The following DDX17 variants were observed in gnomAD, a reference collection of about 807,000 sequenced individuals.
DDX17 encodes DEAD-box helicase 17.
Under a neutral mutation model 80.8 loss-of-function variants are expected in DDX17, and 10 were observed. That is an observed-to-expected ratio of 0.12 (90% CI 0.08 to 0.21). DDX17 has a LOEUF of 0.21. Among genes scored for constraint, DDX17 ranks in the 10% least tolerant of loss-of-function variants. The pLI is 1.00. For synonymous variants in DDX17, 339 were observed against 336.2 expected, an observed-to-expected ratio of 1.01 and a Z score of -0.09; for missense variants, 586 against 957.4, an observed-to-expected ratio of 0.61 and a Z score of 5.12.
chr22:38,501,699 A>C (rs1014200128), intron 1 of DDX17, among the ~76,000 whole-genome samples: 2 of 152,218 alleles, frequency 1.3e-5, no homozygotes, highest in African/African-American at 2.4e-5. Flanking sequence ...AAAATGACCT[A>C]ATAATGTGTA....
chr22:38,495,098 A>G (rs780636301), intron 6 of DDX17, 52 bp from the exon 7 acceptor site: 5 of 1,564,210 alleles, frequency 3.2e-6, no homozygotes, highest in Admixed American at 3.6e-5. Flanking sequence ...AGTGGCTCAC[A>G]GCTGTGTTCT....
intron 12 of DDX17, among the ~76,000 whole-genome samples, chr22:38,487,177 C>T (rs1404630338): frequency 2.0e-5 from 3 of 152,102 alleles, no homozygotes; most frequent in East Asian, 1.9e-4. Flanking sequence ...GCCCCCGCCC[C>T]GCCAAAGCAA....
At chr22:38,488,161 A>C in intron 11 of DDX17, 46 bp from the exon 12 acceptor site, 1 of 1,612,290 alleles carries the variant, frequency 6.2e-7, no homozygotes, top group Non-Finnish European at 8.5e-7. Flanking sequence ...TGTGGCAGGG[A>C]AAGAGAAGGT....
In DDX17 at chr22:38,506,242, G is replaced by T. The variant is rs377550456; in HGVS notation, c.-5C>A. ...GGCTACAAAGCCGGTGGGCAGGTTT[G>T]GCTACGCTCAAACCGGGCAGTGCCG... On this transcript the variant is annotated 5_prime_UTR_variant, in exon 1 of 13. Coordinates refer to ENST00000403230, the MANE Select transcript of DDX17 (RefSeq NM_006386.5). 24 of 1,600,008 alleles carry T rather than the reference G, an allele frequency of 1.5e-5. No homozygotes were observed. In the African/African-American group the frequency reaches 3.2e-4, roughly 22 times the overall value.
intron 10 of DDX17, among the ~76,000 whole-genome samples, chr22:38,492,436 G>A (rs1184358392): frequency 6.6e-6 from 1 of 152,158 alleles, no homozygotes; most frequent in African/African-American, 2.4e-5. Context: ...TTCAAAAGAT[G>A]TAGAATGAAA....
At position 38,498,543 on chromosome 22, in the gene DDX17, T is replaced by C; in HGVS notation, c.569A>G (p.His190Arg). The change falls in exon 4 of 13, where the codon CAC becomes CGC. Residue 190 changes from histidine to arginine, a missense_variant. By Grantham distance (29) the His-to-Arg change is conservative. This residue lies in a region of DDX17 where 141 missense variants were observed against 379.3 expected (regional missense o/e 0.37). Coordinates refer to ENST00000403230, the MANE Select transcript of DDX17 (RefSeq NM_006386.5). ...CTGAATTGGAGTTGGTTCTGTAAAG[T>C]GCTGATCCATCAACACATCCATTAC... 1 of 1,614,224 alleles carries C rather than the reference T, an allele frequency of 6.2e-7. No homozygotes were observed. The highest frequency in any genetic ancestry group is 1.1e-5 in the South Asian group (1 of 91,088).
chr22:38,499,575 G>T, intron 2 of DDX17, 76 bp from the exon 3 acceptor site: 1 of 1,165,108 alleles, frequency 8.6e-7, no homozygotes, highest in Non-Finnish European at 1.3e-6. Flanking sequence ...AGCTAGCTGA[G>T]CAATTATCCA....
rs2089689825 is a variant in DDX17, at chr22:38,489,098, TAACA to T, written c.1448-987_1448-984del. On this transcript the variant is annotated intron_variant, in intron 11 of 12. Transcript: ENST00000403230. This position sits in a 1 kb window ranked among gnomAD's most constrained non-coding sequence, Gnocchi z 4.6. ...ACTTAAACAAACAATTTTAAGAATA[TAACA>T]AAGAATCCTACTGTTTTGTGGAAAA... is the stretch of plus-strand genomic sequence containing the variant. 1 of 984,006 alleles carries T rather than the reference TAACA, an allele frequency of 1.0e-6. No individual in the cohort carries two copies. Among genetic ancestry groups the T allele is most frequent in the Non-Finnish European group, 1.2e-6 (1 of 828,648 alleles). The allele number at this position is 984,006 out of a possible 1,614,324, so 61.0% of individuals were successfully genotyped here.
At chr22:38,491,890 G>C in intron 11 of DDX17, 166 bp downstream of exon 11, 1 of 467,894 alleles carries the variant, frequency 2.1e-6, no homozygotes, top group Non-Finnish European at 3.7e-6. Flanking sequence ...AAAATTGTGG[G>C]GGGGGCAGGG....
chr22:38,489,532 AATT>A lies in DDX17; in HGVS notation c.1448-1420_1448-1418del, dbSNP rs2089692963. On this transcript the variant is annotated intron_variant, in intron 11 of 12. Transcript: ENST00000403230. This position sits in a 1 kb window ranked among gnomAD's most constrained non-coding sequence, Gnocchi z 4.6. ...AATTGGGGTGATTGTAGAAAAAAAT[AATT>A]AATAAAAAAAAATGTAAGTTACATC... 4 of 984,776 alleles carry A rather than the reference AATT, an allele frequency of 4.1e-6. No individual in the cohort carries two copies. Among genetic ancestry groups the A allele is most frequent in the Non-Finnish European group, 4.8e-6 (4 of 829,332 alleles). The allele number at this position is 984,776 out of a possible 1,614,324, so 61.0% of individuals were successfully genotyped here. A position where few individuals can be genotyped will look rare whatever the true frequency, so the allele number is the denominator to read the frequency against.
intron 11 of DDX17, chr22:38,488,557 CCAA>C: frequency 3.0e-6 from 3 of 997,258 alleles, no homozygotes; most frequent in Non-Finnish European, 2.4e-6. Flanking sequence ...GCAAAATCTA[CCAA>C]CAACATAACA....
chr22:38,489,581 A>G lies in DDX17; in HGVS notation c.1448-1466T>C. 1 of 985,124 alleles carries G rather than the reference A, an allele frequency of 1.0e-6. No individual in the cohort carries two copies. Among genetic ancestry groups the G allele is most frequent in the Non-Finnish European group, 1.2e-6 (1 of 829,742 alleles). 61.0% of individuals were successfully genotyped at this position (985,124 alleles called of 1,614,324 possible). A position where few individuals can be genotyped will look rare whatever the true frequency, so the allele number is the denominator to read the frequency against. On this transcript the variant is annotated intron_variant, in intron 11 of 12. Transcript: ENST00000403230. The surrounding 1 kb of genome is among the most constrained non-coding windows in gnomAD (Gnocchi z 4.6). ...ACATCCAAAGGGTCAGACTGCATCT[A>G]TTGCCCAGACTGGATTAATTTCAAG...
chr22:38,490,752 CTT>C (rs574834771), intron 11 of DDX17: 227 of 219,424 alleles, frequency 1.0e-3, no homozygotes, highest in Non-Finnish European at 1.8e-3. Context: ...TTTTCTCCCT[CTT>C]TTGATTTTTT....
intron 3 of DDX17, among the ~76,000 whole-genome samples, chr22:38,498,817 G>A (rs1174794578): frequency 6.6e-6 from 1 of 152,158 alleles, no homozygotes; most frequent in Non-Finnish European, 1.5e-5. Flanking sequence ...AGGAGTTCCA[G>A]ACCAGCCTGG....
intron 5 of DDX17, 56 bp from the exon 6 acceptor site, chr22:38,495,993 AAAAAAAG>A: frequency 7.1e-7 from 1 of 1,416,252 alleles, no homozygotes. Flanking sequence ...AAAAAAAAAA[AAAAAAAG>A]AAGAAACAAA....
In DDX17 at chr22:38,484,358, G is replaced by A. The variant is rs1348922965; in HGVS notation, c.*1577C>T. ...GCTTATGCTGAAGACCTACCTGTAT[G>A]TTGCACATTGAATCATACTTTCAGA... On this transcript the variant is annotated 3_prime_UTR_variant, in exon 13 of 13. Coordinates refer to ENST00000403230, the MANE Select transcript of DDX17 (RefSeq NM_006386.5). 1.3e-5 allele frequency: 2 copies of A among 152,224 alleles called. No homozygotes were observed. The highest frequency in any genetic ancestry group is 2.9e-5 in the Non-Finnish European group (2 of 68,030). The allele number at this position is 152,224 out of a possible 1,614,324, so 9.4% of individuals were successfully genotyped here.
rs569357162 is a variant in DDX17, at chr22:38,485,723, C to T, written c.*212G>A. The T allele has an allele frequency of 1.8e-4, 67 of 379,038 alleles. No homozygotes were observed. In the East Asian group the frequency reaches 2.3e-3, roughly 13 times the overall value. 23.5% of individuals were successfully genotyped at this position (379,038 alleles called of 1,614,324 possible). ...TTTTTTTTTTTACAAAATGTTATTC[C>T]AGACTGGATCATTTTGGTGGGCAGA... is the stretch of plus-strand genomic sequence containing the variant. On this transcript the variant is annotated 3_prime_UTR_variant, in exon 13 of 13. Transcript: ENST00000403230.
intron 2 of DDX17, among the ~76,000 whole-genome samples, chr22:38,500,352 T>C (rs1410197992): frequency 1.3e-5 from 2 of 151,542 alleles, no homozygotes; most frequent in African/African-American, 2.4e-5. Flanking sequence ...TAGATAAGAA[T>C]GTAAGAAAGG....
chr22:38,497,164 C>T (rs1378046782), intron 5 of DDX17, among the ~76,000 whole-genome samples: 36 of 150,444 alleles, frequency 2.4e-4, no homozygotes, highest in African/African-American at 5.4e-4. Flanking sequence ...GGTGTGGCGG[C>T]GCATGCCTGT....
Sources: allele counts gnomAD v4.1 joint callset (sites outside exome capture counted in the v4.1 genomes callset), GRCh38; gene constraint gnomAD v4.1.1; regional missense constraint gnomAD v4.1.1; non-coding constraint Gnocchi (gnomAD v3.1); transcripts MANE v1.5; gene names NCBI Gene and HGNC (gene_info 2026-07-23, HGNC 2026-07-21).